PIK3C2A: variants seen among roughly 807,000 people sequenced by gnomAD.
PIK3C2A encodes phosphatidylinositol-4-phosphate 3-kinase catalytic subunit type 2 alpha.
A neutral mutation model predicts 204.5 loss-of-function variants in PIK3C2A; 97 were observed. The observed-to-expected ratio is 0.47, with a 90% CI of 0.40 to 0.56. PIK3C2A has a LOEUF of 0.56. Among genes scored for constraint, PIK3C2A ranks in the 20% least tolerant of loss-of-function variants. The pLI, the probability that PIK3C2A is intolerant of heterozygous loss-of-function variation, is 0.00. For missense variants in PIK3C2A, 1,735 were observed against 1,969.2 expected (o/e 0.88, Z 2.25); for synonymous variants, 653 against 664.4 (o/e 0.98, Z 0.26).
At chr11:17,162,350 AAC>A (rs1850804449) in intron 2 of PIK3C2A, among the ~76,000 whole-genome samples, 1 of 151,612 alleles carries the variant, frequency 6.6e-6, no homozygotes, top group African/African-American at 2.4e-5. Flanking sequence ...AAAAAAAAAA[AAC>A]AAAAACAAAA....
rs1439341821 is a variant in PIK3C2A, at chr11:17,169,825, A to G, written c.-65-19T>C. The G allele has an allele frequency of 1.1e-5, 9 of 835,496 alleles. No individual in the cohort carries two copies. Among genetic ancestry groups the G allele is most frequent in the Admixed American group, 2.8e-5 (1 of 35,436 alleles). 51.8% of individuals were successfully genotyped at this position (835,496 alleles called of 1,614,324 possible). ...GCAAGGCCTATACATAAAAATAAAC[A>G]TAACACTCAATTAGATTTCTAAACA... On this transcript the variant is annotated intron_variant, in intron 1 of 32. Coordinates refer to ENST00000691414, the MANE Select transcript of PIK3C2A (RefSeq NM_002645.4).
rs1170039089 is a variant in PIK3C2A at position 17,168,536 on chromosome 11, A to C, written c.1065+141T>G. 9.8e-6 allele frequency: 6 copies of C among 611,378 alleles called. No individual in the cohort carries two copies. In the East Asian group the frequency reaches 1.4e-4, roughly 15 times the overall value. 37.9% of individuals were successfully genotyped at this position (611,378 alleles called of 1,614,324 possible). A position where few individuals can be genotyped will look rare whatever the true frequency, so the allele number is the denominator to read the frequency against. ...GCGGAGCTTGCAGTGAGCCGAAATC[A>C]CGCCACTGCACTCCAGCCTGGGCGA... On this transcript the variant is annotated intron_variant, in intron 2 of 32. Coordinates refer to ENST00000691414, the MANE Select transcript of PIK3C2A (RefSeq NM_002645.4).
Position 17,119,989 on chromosome 11 carries a change from G to C in PIK3C2A, c.2658-15C>G, listed in dbSNP as rs777974154. On this transcript the variant is annotated splice_polypyrimidine_tract_variant and intron_variant, in intron 15 of 32. Transcript: ENST00000691414. ...CTTTAGAAAGTCTGCATATATAATA[G>C]AATTAAATTACTTCTCAGTGATAAC... is the stretch of plus-strand genomic sequence containing the variant. 1.7e-6 allele frequency: 2 copies of C among 1,178,294 alleles called. No individual in the cohort carries two copies. The highest frequency in any genetic ancestry group is 5.0e-5 in the East Asian group (2 of 40,028). The allele number at this position is 1,178,294 out of a possible 1,614,324, so 73.0% of individuals were successfully genotyped here.
chr11:17,129,539 C>G, intron 12 of PIK3C2A, 72 bp from the exon 13 acceptor site: 1 of 904,004 alleles, frequency 1.1e-6, no homozygotes. Flanking sequence ...TTTAATGAGA[C>G]TGACAATTTT....
intron 15 of PIK3C2A, among the ~76,000 whole-genome samples, chr11:17,120,809 ATTTAT>A (rs761171580): frequency 7.9e-5 from 12 of 152,112 alleles, no homozygotes; most frequent in Admixed American, 1.3e-4. Flanking sequence ...TCTCATTTTT[ATTTAT>A]TTTATTTTTG....
At chr11:17,154,269 G>GA (rs1248736590) in intron 3 of PIK3C2A, among the ~76,000 whole-genome samples, 1 of 152,134 alleles carries the variant, frequency 6.6e-6, no homozygotes, top group Non-Finnish European at 1.5e-5. Flanking sequence ...CCTGTCTGGG[G>GA]AGAGTAACCT....
At chr11:17,195,302 A>G (rs1852109921) in intron 1 of PIK3C2A, among the ~76,000 whole-genome samples, 1 of 151,838 alleles carries the variant, frequency 6.6e-6, no homozygotes, top group Admixed American at 6.6e-5. Flanking sequence ...AATCCCAGCT[A>G]CTCAGGAGGC....
At chr11:17,108,073 T>C (rs1175178351) in intron 22 of PIK3C2A, among the ~76,000 whole-genome samples, 2 of 152,164 alleles carry the variant, frequency 1.3e-5, no homozygotes, top group Non-Finnish European at 2.9e-5. Context: ...GGTTTCACCA[T>C]ATTGGCTAGG....
chr11:17,102,918 T>G, intron 23 of PIK3C2A, 87 bp from the exon 24 acceptor site: 1 of 806,066 alleles, frequency 1.2e-6, no homozygotes, highest in Non-Finnish European at 1.9e-6. Flanking sequence ...TTTATCACTC[T>G]TTAAAAACAC....
chr11:17,161,309 C>T (rs1342072735), intron 2 of PIK3C2A, among the ~76,000 whole-genome samples: 1 of 152,162 alleles, frequency 6.6e-6, no homozygotes, highest in African/African-American at 2.4e-5. Flanking sequence ...CTTATATTTA[C>T]TGTTCAAATA....
At chr11:17,179,003 A>G (rs1409243714) in intron 1 of PIK3C2A, among the ~76,000 whole-genome samples, 1 of 151,696 alleles carries the variant, frequency 6.6e-6, no homozygotes, top group African/African-American at 2.4e-5. Context: ...TGCTGGGATT[A>G]CAGGCGTGAG....
intron 4 of PIK3C2A, among the ~76,000 whole-genome samples, chr11:17,149,614 G>A (rs1850363718): frequency 6.6e-6 from 1 of 152,072 alleles, no homozygotes; most frequent in Non-Finnish European, 1.5e-5. Flanking sequence ...CAGGTAGGCT[G>A]TATTTTTGAG....
chr11:17,159,151 T>C (rs555645791), intron 2 of PIK3C2A, among the ~76,000 whole-genome samples: 3 of 152,356 alleles, frequency 2.0e-5, no homozygotes, highest in African/African-American at 7.2e-5. Flanking sequence ...TCTCCATGGA[T>C]CTTGCACAGA....
chr11:17,165,468 C>T (rs962419659), intron 2 of PIK3C2A, among the ~76,000 whole-genome samples: 1 of 152,044 alleles, frequency 6.6e-6, no homozygotes, highest in African/African-American at 2.4e-5. Flanking sequence ...CATGTTGTAT[C>T]ACTGGAGTTT....
chr11:17,157,772 T>A (rs1850644862), intron 2 of PIK3C2A, among the ~76,000 whole-genome samples: 1 of 152,162 alleles, frequency 6.6e-6, no homozygotes, highest in African/African-American at 2.4e-5. Flanking sequence ...TAGTTACCAA[T>A]CACATATCAA....
chr11:17,117,767 G>A (rs1366558576), intron 18 of PIK3C2A, 96 bp from the exon 19 acceptor site: 1 of 662,430 alleles, frequency 1.5e-6, no homozygotes, highest in Non-Finnish European at 2.4e-6. Flanking sequence ...AGGCTGGAGT[G>A]CAGTGGCGCC....
At chr11:17,194,084 A>G (rs1852053765) in intron 1 of PIK3C2A, 1 of 453,328 alleles carries the variant, frequency 2.2e-6, no homozygotes, top group South Asian at 6.4e-5. Flanking sequence ...AAAGGAGGTT[A>G]AGCCCAAGAT....
At position 17,160,530 on chromosome 11, in the gene PIK3C2A, AAAGAGTAATAACTTT is replaced by A. The variant is rs1850740750; in HGVS notation, c.1066-4916_1066-4902del. On this transcript the variant is annotated intron_variant, in intron 2 of 32. Transcript: ENST00000691414. ...AGGCAGTGAGTACAAATTCCTTTTT[AAAGAGTAATAACTTT>A]AAGGACAGGTGTGGTAGCTCATATC... 2.0e-5 allele frequency among the ~76,000 whole-genome samples: 3 copies of A among 152,210 alleles called. No individual in the cohort carries two copies. In the East Asian group the frequency reaches 5.8e-4, roughly 29 times the overall value.
At chr11:17,201,474 C>T (rs1287734126) in intron 1 of PIK3C2A, among the ~76,000 whole-genome samples, 1 of 145,204 alleles carries the variant, frequency 6.9e-6, no homozygotes, top group Admixed American at 7.2e-5. Flanking sequence ...TTGCAGTGAG[C>T]CAAGATCGCA....
Sources: gnomAD v4.1 joint callset for allele counts (sites outside exome capture counted in the v4.1 genomes callset) on GRCh38, gnomAD v4.1.1 for gene constraint, MANE v1.5 for transcripts, NCBI Gene and HGNC (gene_info 2026-07-23, HGNC 2026-07-21) for gene names.